Variants in LRRC4C observed in about 807,000 individuals in gnomAD.
The protein encoded by LRRC4C is leucine rich repeat containing 4C, also known as leucine-rich repeat-containing protein 4C.
LRRC4C carries 5 observed loss-of-function variants against 33.6 expected under a neutral mutation model. That is an observed-to-expected ratio of 0.15 (90% CI 0.08 to 0.31). The LOEUF (loss-of-function observed/expected upper bound fraction) is 0.31. Ranked by LOEUF, LRRC4C falls within the 10% of genes least tolerant of loss-of-function variation. LRRC4C has a pLI of 1.00. For synonymous variants in LRRC4C, 329 were observed against 302.0 expected (o/e 1.09, Z -0.93); for missense variants, 560 against 796.7 (o/e 0.70, Z 3.58).
At chr11:41,357,579 G>A (rs1481163138) in intron 1 of LRRC4C, among the ~76,000 whole-genome samples, 1 of 151,912 alleles carries the variant, frequency 6.6e-6, no homozygotes, top group African/African-American at 2.4e-5. Context: ...TTTCTCTGTG[G>A]CCTACTTTCC....
intron 1 of LRRC4C, among the ~76,000 whole-genome samples, chr11:41,009,924 G>A (rs1052491228): frequency 6.6e-6 from 1 of 152,114 alleles, no homozygotes. Flanking sequence ...CATTAGGGTG[G>A]ACTCTAATTC....
intron 1 of LRRC4C, among the ~76,000 whole-genome samples, chr11:41,387,600 G>T (rs937509661): frequency 6.6e-6 from 1 of 151,604 alleles, no homozygotes; most frequent in African/African-American, 2.4e-5. Context: ...TGTTCTTATG[G>T]AATATAGGTG....
chr11:41,451,064 C>T (rs953468193), intron 1 of LRRC4C, among the ~76,000 whole-genome samples: 2 of 152,104 alleles, frequency 1.3e-5, no homozygotes, highest in Admixed American at 1.3e-4. Context: ...TATAGGAACA[C>T]ATTTGAGGGA....
chr11:40,400,956 T>G (rs1049152781), intron 3 of LRRC4C, among the ~76,000 whole-genome samples: 36 of 152,156 alleles, frequency 2.4e-4, no homozygotes, highest in African/African-American at 8.0e-4. Flanking sequence ...GTGTAATGAC[T>G]ATCTTGTTTA....
chr11:40,806,709 G>C (rs1951266722), intron 2 of LRRC4C, among the ~76,000 whole-genome samples: 1 of 152,140 alleles, frequency 6.6e-6, no homozygotes, highest in Non-Finnish European at 1.5e-5. Context: ...ATATCTGTGT[G>C]TATTTTGACT....
intron 2 of LRRC4C, among the ~76,000 whole-genome samples, chr11:40,730,242 T>TA (rs1206633103): frequency 6.6e-6 from 1 of 152,068 alleles, no homozygotes; most frequent in Non-Finnish European, 1.5e-5. Context: ...CCCTAAAACT[T>TA]AAAGTATAAT....
At chr11:40,296,461 T>C (rs563987534) in intron 4 of LRRC4C, among the ~76,000 whole-genome samples, 1 of 152,210 alleles carries the variant, frequency 6.6e-6, no homozygotes, top group South Asian at 2.1e-4. Flanking sequence ...ACAGCCAAAA[T>C]TTGAACCCAG....
rs115480333 is a variant in LRRC4C, at chr11:40,781,473, C to T, written c.-406-133195G>A. Among the ~76,000 whole-genome samples the T allele has an allele frequency of 5.9e-3, 891 of 152,210 alleles. 9 individuals are homozygous for T. The highest frequency in any genetic ancestry group is 0.02 in the African/African-American group (848 of 41,528). ...TAGCACAACATTCTGTGTTATTTAACGTAGGTTTGGGCCAGCTCTTAGCCT... is the reference window on the plus strand; with the variant it reads ...TAGCACAACATTCTGTGTTATTTAATGTAGGTTTGGGCCAGCTCTTAGCCT... On this transcript the variant is annotated intron_variant, in intron 2 of 6. Transcript: ENST00000528697.
At chr11:41,414,364 C>T (rs1036343454) in intron 1 of LRRC4C, among the ~76,000 whole-genome samples, 2 of 152,084 alleles carry the variant, frequency 1.3e-5, no homozygotes, top group Non-Finnish European at 2.9e-5. Context: ...CTATGCCACA[C>T]GTGAAAGAGA....
At chr11:40,404,962 T>A (rs966019830) in intron 3 of LRRC4C, among the ~76,000 whole-genome samples, 2 of 152,032 alleles carry the variant, frequency 1.3e-5, no homozygotes, top group African/African-American at 4.8e-5. Context: ...AGAGTAGCTA[T>A]AAGCCACCCA....
At position 41,162,701 on chromosome 11, in the gene LRRC4C, A is replaced by G. The variant is rs1208321123; in HGVS notation, c.-495-228978T>C. 3.9e-5 allele frequency among the ~76,000 whole-genome samples: 6 copies of G among 152,328 alleles called. No homozygotes were observed. The East Asian group carries it at 1.2e-3, about 29-fold the overall frequency. Reference sequence around the variant, plus strand: ...TAAAAACATAGTATAAAAGATAAAAAATAGTACAACTGTATCAGGCACTTT... The same window carrying G: ...TAAAAACATAGTATAAAAGATAAAAGATAGTACAACTGTATCAGGCACTTT... On this transcript the variant is annotated intron_variant, in intron 1 of 6. Transcript: ENST00000528697.
intron 1 of LRRC4C, among the ~76,000 whole-genome samples, chr11:40,947,375 T>G (rs537783056): frequency 1.2e-4 from 18 of 152,264 alleles, no homozygotes; most frequent in Admixed American, 9.2e-4. Flanking sequence ...GTAAAAATAA[T>G]TTGATCCTTT....
At chr11:40,920,773 T>G (rs1401057306) in intron 2 of LRRC4C, among the ~76,000 whole-genome samples, 1 of 152,154 alleles carries the variant, frequency 6.6e-6, no homozygotes, top group Admixed American at 6.6e-5. Flanking sequence ...TCCTAAATTT[T>G]GGAACCTGTG....
At chr11:40,125,452 ACTT>A (rs1312898107) in intron 6 of LRRC4C, among the ~76,000 whole-genome samples, 1 of 152,036 alleles carries the variant, frequency 6.6e-6, no homozygotes, top group Admixed American at 6.6e-5. Context: ...TTTCCTCTGG[ACTT>A]CTTATTATGT....
chr11:41,435,712 G>T (rs968507015), intron 1 of LRRC4C, among the ~76,000 whole-genome samples: 2 of 152,264 alleles, frequency 1.3e-5, no homozygotes, highest in South Asian at 4.1e-4. Context: ...TATTATGTAG[G>T]TCATCATTTC....
intron 2 of LRRC4C, among the ~76,000 whole-genome samples, chr11:40,860,227 C>G (rs946193675): frequency 1.3e-5 from 2 of 151,902 alleles, no homozygotes; most frequent in African/African-American, 4.8e-5. Context: ...CAAGTTTTTC[C>G]ACAGAGACAG....
chr11:40,468,429 A>G (rs1590832395), intron 3 of LRRC4C, among the ~76,000 whole-genome samples: 1 of 152,316 alleles, frequency 6.6e-6, no homozygotes, highest in Non-Finnish European at 1.5e-5. Flanking sequence ...CATCCAACAT[A>G]TGGAGAGTAA....
chr11:40,897,901 C>T (rs1318770119), intron 2 of LRRC4C, among the ~76,000 whole-genome samples: 2 of 152,158 alleles, frequency 1.3e-5, no homozygotes, highest in African/African-American at 2.4e-5. Context: ...ATACCGCTCC[C>T]GTTGAGTTGC....
At chr11:40,928,302 G>A (rs74234793) in intron 2 of LRRC4C, among the ~76,000 whole-genome samples, 8,847 of 150,442 alleles carry the variant, frequency 0.059, 378 homozygotes, top group Admixed American at 0.15. Flanking sequence ...AAGATGTCAC[G>A]GACTTCCTGG....
Sources: allele counts gnomAD v4.1 joint callset (sites outside exome capture counted in the v4.1 genomes callset), GRCh38; gene constraint gnomAD v4.1.1; transcripts MANE v1.5; gene names NCBI Gene and HGNC (gene_info 2026-07-23, HGNC 2026-07-21).